Variants in NRCAM observed in about 807,000 individuals in gnomAD.
The protein encoded by NRCAM is neuronal cell adhesion molecule.
NRCAM carries 83 observed loss-of-function variants against 156.5 expected under a neutral mutation model. The observed-to-expected ratio is 0.53, with a 90% CI of 0.44 to 0.64. The LOEUF is 0.64. Ranked by LOEUF, NRCAM falls within the 30% of genes least tolerant of loss-of-function variation. NRCAM has a pLI of 0.00. For missense variants in NRCAM, 1,417 were observed against 1,597.3 expected (o/e 0.89, Z 1.92); for synonymous variants, 538 against 563.9 (o/e 0.95, Z 0.65).
At chr7:108,323,610 A>C (rs2099028442) in intron 2 of NRCAM, among the ~76,000 whole-genome samples, 1 of 152,216 alleles carries the variant, frequency 6.6e-6, no homozygotes, top group South Asian at 2.1e-4. Context: ...ATAGTTTCTG[A>C]GTACTTAGTA....
intron 20 of NRCAM, 148 bp from the exon 21 acceptor site, chr7:108,184,762 G>T (rs2065664421): frequency 3.2e-6 from 2 of 629,126 alleles, no homozygotes; most frequent in Admixed American, 3.3e-5. Context: ...AAAATATTTT[G>T]ATTTCAGAGT....
chr7:108,299,554 T>C (rs1369516868), intron 3 of NRCAM, among the ~76,000 whole-genome samples: 4 of 152,218 alleles, frequency 2.6e-5, no homozygotes, highest in African/African-American at 9.7e-5. Context: ...AATTTGTTTT[T>C]CTCTTTCTGT....
chr7:108,166,663 ATAAGT>A (rs1234680871), intron 30 of NRCAM, among the ~76,000 whole-genome samples: 5 of 152,244 alleles, frequency 3.3e-5, no homozygotes, highest in African/African-American at 1.2e-4. Flanking sequence ...TTTAAATAAT[ATAAGT>A]TAAAATCATA....
intron 10 of NRCAM, among the ~76,000 whole-genome samples, chr7:108,224,561 G>C (rs1457080382): frequency 1.3e-5 from 2 of 152,092 alleles, no homozygotes; most frequent in Non-Finnish European, 2.9e-5. Context: ...CTTATCTTCT[G>C]AAGGTTTCTT....
At position 108,335,434 on chromosome 7, in the gene NRCAM, C is replaced by CTTTTTTT. The variant is rs58975301; in HGVS notation, c.-173-22710_-173-22704dup. 3.5e-3 allele frequency among the ~76,000 whole-genome samples: 246 copies of CTTTTTTT among 69,860 alleles called. 2 individuals are homozygous for CTTTTTTT. Among genetic ancestry groups the CTTTTTTT allele is most frequent in the East Asian group, 5.2e-3 (10 of 1,914 alleles). 45.8% of individuals were successfully genotyped at this position (69,860 alleles called of 152,430 possible). Reference sequence around the variant, plus strand: ...ATGTCCTGTGGATCTGTTCCACCTGCTTTTTTTTTTTTTTTTTTTTTTTTT... The same window carrying CTTTTTTT: ...ATGTCCTGTGGATCTGTTCCACCTGCTTTTTTTTTTTTTTTTTTTTTTTTTTTTTTTT... On this transcript the variant is annotated intron_variant, in intron 2 of 32. Transcript: ENST00000379028.
chr7:108,299,989 G>A (rs1053263107), intron 3 of NRCAM, among the ~76,000 whole-genome samples: 1 of 152,108 alleles, frequency 6.6e-6, no homozygotes, highest in Non-Finnish European at 1.5e-5. Context: ...GATAAAACAT[G>A]TGCAGTACTT....
intron 2 of NRCAM, among the ~76,000 whole-genome samples, chr7:108,317,177 G>A (rs1312259223): frequency 1.3e-5 from 2 of 152,186 alleles, no homozygotes; most frequent in Non-Finnish European, 2.9e-5. Context: ...CATGAGCTGA[G>A]AGGGAACTCT....
chr7:108,351,551 T>C (rs1478381267), intron 2 of NRCAM, among the ~76,000 whole-genome samples: 1 of 152,142 alleles, frequency 6.6e-6, no homozygotes, highest in Non-Finnish European at 1.5e-5. Flanking sequence ...CTCCACTGAG[T>C]ATAAGATTTG....
intron 2 of NRCAM, among the ~76,000 whole-genome samples, chr7:108,332,457 G>A (rs1017807578): frequency 2.0e-5 from 3 of 151,734 alleles, no homozygotes; most frequent in Non-Finnish European, 2.9e-5. Context: ...ATTAATTCTC[G>A]GCTCACTGCT....
chr7:108,213,873 G>T (rs2153615982), intron 11 of NRCAM, among the ~76,000 whole-genome samples: 1 of 152,298 alleles, frequency 6.6e-6, no homozygotes, highest in African/African-American at 2.4e-5. Context: ...TTTGTCACTG[G>T]TTCTCTTTAT....
At position 108,178,804 on chromosome 7, in the gene NRCAM, G is replaced by A. The variant is rs1163183750; in HGVS notation, c.2852-692C>T. Among the ~76,000 whole-genome samples the A allele has an allele frequency of 2.0e-5, 3 of 152,056 alleles. 1 individual carries two copies. The highest frequency in any genetic ancestry group is 4.4e-5 in the Non-Finnish European group (3 of 68,012). On this transcript the variant is annotated intron_variant, in intron 25 of 32. Coordinates refer to ENST00000379028, the MANE Select transcript of NRCAM (RefSeq NM_001037132.4). ...CTGGTGGCAGCTCTCTCTCACAATG[G>A]TTACCTCCCCTACCACTGCCCCTGG...
intron 2 of NRCAM, among the ~76,000 whole-genome samples, chr7:108,378,678 CACACACACACAA>C (rs1554580247): frequency 1.4e-5 from 2 of 144,176 alleles, no homozygotes; most frequent in African/African-American, 2.6e-5. Context: ...CACACACACA[CACACACACACAA>C]ACTCCAAGAC....
At chr7:108,184,349 C>CT (rs1563313465) in intron 21 of NRCAM, 38 bp from the exon 22 acceptor site, 19 of 1,613,510 alleles carry the variant, frequency 1.2e-5, no homozygotes, top group Non-Finnish European at 1.5e-5. Context: ...AAGCTTTGGC[C>CT]TTTTGCGAAG....
At chr7:108,176,665 T>TA (rs111272435) in intron 26 of NRCAM, 59 bp from the exon 27 acceptor site, 60,224 of 1,260,030 alleles carry the variant, frequency 0.048, 2,263 homozygotes, top group East Asian at 0.13. Flanking sequence ...GGAATACTAT[T>TA]ATAAATAAAT....
intron 1 of NRCAM, among the ~76,000 whole-genome samples, chr7:108,402,809 C>T (rs1209912067): frequency 6.6e-6 from 1 of 152,190 alleles, no homozygotes; most frequent in Non-Finnish European, 1.5e-5. Flanking sequence ...GTGGATGACC[C>T]AGGAGGTAGG....
At chr7:108,176,653 T>C (rs770798869) in intron 26 of NRCAM, 47 bp from the exon 27 acceptor site, 32 of 1,366,866 alleles carry the variant, frequency 2.3e-5, no homozygotes, top group Non-Finnish European at 3.2e-5. Flanking sequence ...TTAACTGCTA[T>C]AGGAATACTA....
chr7:108,313,101 G>C (rs866871092), intron 2 of NRCAM: 1 of 151,824 alleles, frequency 6.6e-6, no homozygotes, highest in African/African-American at 2.4e-5. Context: ...TTTTTATTTG[G>C]TAGCATAGAA....
At chr7:108,353,288 T>C (rs752191331) in intron 2 of NRCAM, among the ~76,000 whole-genome samples, 3 of 152,134 alleles carry the variant, frequency 2.0e-5, no homozygotes, top group Non-Finnish European at 4.4e-5. Flanking sequence ...CTAAATCCTG[T>C]CACTGATGTA....
chr7:108,190,461 C>T (rs2070564715), intron 19 of NRCAM, among the ~76,000 whole-genome samples: 1 of 152,126 alleles, frequency 6.6e-6, no homozygotes, highest in African/African-American at 2.4e-5. Context: ...GGACCAGAGA[C>T]CATACAAATA....
Sources: gnomAD v4.1 joint callset for allele counts (sites outside exome capture counted in the v4.1 genomes callset) on GRCh38, gnomAD v4.1.1 for gene constraint, MANE v1.5 for transcripts, NCBI Gene and HGNC (gene_info 2026-07-23, HGNC 2026-07-21) for gene names.